SLC44A1: variants seen among roughly 807,000 people sequenced by gnomAD.
SLC44A1 encodes choline transporter-like protein 1.
A neutral mutation model predicts 79.3 loss-of-function variants in SLC44A1; 26 were observed. The observed-to-expected ratio is 0.33, with a 90% CI of 0.24 to 0.46. The LOEUF (loss-of-function observed/expected upper bound fraction) is 0.46, where lower values mean the gene tolerates loss of function less well. Among genes scored for constraint, SLC44A1 ranks in the 20% least tolerant of loss-of-function variants. SLC44A1 has a pLI of 1.00. For synonymous variants in SLC44A1, 263 were observed against 286.2 expected (o/e 0.92, Z 0.82); for missense variants, 688 against 798.1 (o/e 0.86, Z 1.66).
Position 105,394,899 on chromosome 9 carries a change from C to A in SLC44A1, c.*5843C>A, listed in dbSNP as rs1232265312. 3.0e-6 allele frequency: 3 copies of A among 985,306 alleles called. No individual in the cohort carries two copies. The highest frequency in any genetic ancestry group is 5.2e-4 in the Middle Eastern group (1 of 1,936). The allele number at this position is 985,306 out of a possible 1,614,324, so 61.0% of individuals were successfully genotyped here. On this transcript the variant is annotated 3_prime_UTR_variant, in exon 16 of 16. Coordinates refer to ENST00000374720, the MANE Select transcript of SLC44A1 (RefSeq NM_080546.5). ...GATTCCTCTGCCAATAGAACTCCAC[C>A]CCCAGTCCCTTACCTACTCTATCTT... is the stretch of plus-strand genomic sequence containing the variant.
chr9:105,282,322 T>C lies in SLC44A1; in HGVS notation c.37-16898T>C, dbSNP rs536003289. On this transcript the variant is annotated intron_variant, in intron 1 of 15. Transcript: ENST00000374720. ...ATGGTTCACTGTTCCCCCTCACTTA[T>C]TTGAGTGTGTCTAATCTAATCACTT... Among the ~76,000 whole-genome samples, 5 of 152,274 alleles carry C rather than the reference T, an allele frequency of 3.3e-5. 1 individual carries two copies. The highest frequency in any genetic ancestry group is 2.1e-4 in the South Asian group (1 of 4,824).
intron 15 of SLC44A1, among the ~76,000 whole-genome samples, chr9:105,428,586 G>A (rs1829352293): frequency 6.6e-6 from 1 of 152,220 alleles, no homozygotes; most frequent in Non-Finnish European, 1.5e-5. Context: ...TTGTTGGGAG[G>A]ATTCCATTAT....
chr9:105,380,186 C>T (rs764699156), intron 13 of SLC44A1, among the ~76,000 whole-genome samples: 14 of 152,148 alleles, frequency 9.2e-5, no homozygotes, highest in Non-Finnish European at 1.0e-4. Context: ...GTTAAATGAA[C>T]TTGCTTAGAG....
intron 14 of SLC44A1, among the ~76,000 whole-genome samples, chr9:105,383,962 A>G (rs1828552858): frequency 6.6e-6 from 1 of 152,142 alleles, no homozygotes; most frequent in South Asian, 2.1e-4. Flanking sequence ...AATTTTGAAA[A>G]CCTTATTAAA....
At chr9:105,293,504 G>A (rs185632445) in intron 1 of SLC44A1, among the ~76,000 whole-genome samples, 4 of 152,228 alleles carry the variant, frequency 2.6e-5, no homozygotes, top group East Asian at 1.9e-4. Context: ...AATCTGGATC[G>A]TTGATAATGC....
rs1453476426 is a variant in SLC44A1 at position 105,339,247 on chromosome 9, A to T, written c.406+3548A>T. 2.0e-5 allele frequency among the ~76,000 whole-genome samples: 3 copies of T among 152,172 alleles called. No individual in the cohort carries two copies. The East Asian group carries it at 5.8e-4, about 29-fold the overall frequency. Reference sequence around the variant, plus strand: ...GATCTACTATAAAAAAAAAACACTGAAAATCACACAAGTGTTGGTGAGGAT... The same window carrying T: ...GATCTACTATAAAAAAAAAACACTGTAAATCACACAAGTGTTGGTGAGGAT... On this transcript the variant is annotated intron_variant, in intron 4 of 15. Transcript: ENST00000374720.
downstream of SLC44A1, among the ~76,000 whole-genome samples, chr9:105,400,474 C>T (rs1281228970): frequency 7.7e-6 from 1 of 129,792 alleles, no homozygotes; most frequent in African/African-American, 3.0e-5. Context: ...GGTGACAGAG[C>T]AAGACGCCAT....
At chr9:105,290,027 G>T (rs1237758059) in intron 1 of SLC44A1, among the ~76,000 whole-genome samples, 1 of 152,054 alleles carries the variant, frequency 6.6e-6, no homozygotes, top group Non-Finnish European at 1.5e-5. Context: ...TGTTGGCCAG[G>T]CTGGTCTCGA....
rs749941385 is a variant in SLC44A1, at chr9:105,277,750, A to T, written c.37-21470A>T. ...AGCCTAATAGGGCTTGGTCCTTCCC[A>T]TGTAACCAAGTAGTGCATGGGAAGT... On this transcript the variant is annotated intron_variant, in intron 1 of 15. Transcript: ENST00000374720. Among the ~76,000 whole-genome samples the T allele has an allele frequency of 5.3e-5, 8 of 152,212 alleles. 1 individual carries two copies. Among genetic ancestry groups the T allele is most frequent in the Admixed American group, 1.3e-4 (2 of 15,270 alleles).
intron 15 of SLC44A1, among the ~76,000 whole-genome samples, chr9:105,418,120 A>AGCCTG (rs1829196660): frequency 6.6e-6 from 1 of 152,086 alleles, no homozygotes; most frequent in Non-Finnish European, 1.5e-5. Context: ...GTTCAAGACC[A>AGCCTG]GCCTGGCCAT....
In SLC44A1 at chr9:105,396,136, T is replaced by C. The variant is rs757864385; in HGVS notation, c.*7080T>C. 125 of 985,304 alleles carry C rather than the reference T, an allele frequency of 1.3e-4. No individual in the cohort carries two copies. Among genetic ancestry groups the C allele is most frequent in the Non-Finnish European group, 1.5e-4 (124 of 829,936 alleles). 61.0% of individuals were successfully genotyped at this position (985,304 alleles called of 1,614,324 possible). Reference sequence around the variant, plus strand: ...CTTTTCTTCTGCTGTGTTGCCTTAATGCTACTAGATTGTGTTGTGTTGTTG... The same window carrying C: ...CTTTTCTTCTGCTGTGTTGCCTTAACGCTACTAGATTGTGTTGTGTTGTTG... On this transcript the variant is annotated 3_prime_UTR_variant, in exon 16 of 16. Transcript: ENST00000374720.
chr9:105,426,936 CTT>C (rs10715005), intron 15 of SLC44A1, among the ~76,000 whole-genome samples: 3,850 of 144,460 alleles, frequency 0.027, 60 homozygotes, highest in Middle Eastern at 0.05. Flanking sequence ...TTTCCTTTTC[CTT>C]TTTTTTTTTT....
intron 1 of SLC44A1, among the ~76,000 whole-genome samples, chr9:105,284,642 C>T (rs1232382125): frequency 2.0e-5 from 3 of 151,970 alleles, no homozygotes; most frequent in African/African-American, 7.3e-5. Flanking sequence ...ACCTTAAAGA[C>T]CTTCCACTTT....
At chr9:105,405,619 A>G (rs906762253) in intron 15 of SLC44A1, among the ~76,000 whole-genome samples, 1 of 152,118 alleles carries the variant, frequency 6.6e-6, no homozygotes, top group Non-Finnish European at 1.5e-5. Context: ...ATGCCCAAGT[A>G]AGCAATGTGT....
Position 105,244,753 on chromosome 9 carries a change from C to A in SLC44A1, c.-116C>A. 1 of 490,324 alleles carries A rather than the reference C, an allele frequency of 2.0e-6. No individual in the cohort carries two copies. The highest frequency in any genetic ancestry group is 3.0e-6 in the Non-Finnish European group (1 of 338,368). The allele number at this position is 490,324 out of a possible 1,614,324, so 30.4% of individuals were successfully genotyped here. On this transcript the variant is annotated 5_prime_UTR_variant, in exon 1 of 16. Coordinates refer to ENST00000374720, the MANE Select transcript of SLC44A1 (RefSeq NM_080546.5). Reference sequence around the variant, plus strand: ...GCCGCCGCTGCAGCCGCCGCCGCCGCCTAGCCGTGCGGTGCCAGGCCGCGC... The same window carrying A: ...GCCGCCGCTGCAGCCGCCGCCGCCGACTAGCCGTGCGGTGCCAGGCCGCGC...
chr9:105,289,358 G>A (rs1056833271), intron 1 of SLC44A1, among the ~76,000 whole-genome samples: 1 of 152,292 alleles, frequency 6.6e-6, no homozygotes, highest in African/African-American at 2.4e-5. Flanking sequence ...CATGGAATAG[G>A]TTTTCATTTG....
At chr9:105,266,205 G>T (rs544997030) in intron 1 of SLC44A1, among the ~76,000 whole-genome samples, 1 of 152,186 alleles carries the variant, frequency 6.6e-6, no homozygotes, top group African/African-American at 2.4e-5. Flanking sequence ...GGCCTCAACC[G>T]ATCCTCCTTT....
At chr9:105,397,958 A>G (rs1969982), downstream of SLC44A1, among the ~76,000 whole-genome samples, 132,876 of 151,754 alleles carry the variant, frequency 0.88, 59,910 homozygotes, top group East Asian at 1. Context: ...AGAAAAAAAA[A>G]AAAAAGAAAA....
chr9:105,361,020 A>G (rs1827762166), intron 7 of SLC44A1, among the ~76,000 whole-genome samples, 171 bp from the exon 8 acceptor site: 1 of 152,226 alleles, frequency 6.6e-6, no homozygotes, highest in Admixed American at 6.5e-5. Context: ...AGAGCAATGG[A>G]CACTTTCTTT....
Sources: gnomAD v4.1 joint callset for allele counts (sites outside exome capture counted in the v4.1 genomes callset) on GRCh38, gnomAD v4.1.1 for gene constraint, MANE v1.5 for transcripts, NCBI Gene and HGNC (gene_info 2026-07-23, HGNC 2026-07-21) for gene names.